Variants in ZNF318 observed in about 807,000 individuals in gnomAD.
ZNF318 encodes zinc finger protein 318.
A neutral mutation model predicts 124.2 loss-of-function variants in ZNF318; 51 were observed. The ratio of observed to expected loss-of-function variants is 0.41; its 90% CI spans 0.33 to 0.52. The LOEUF (loss-of-function observed/expected upper bound fraction) is 0.52. ZNF318 is among the 20% of genes least tolerant of loss of function. The probability of loss-of-function intolerance (pLI) is 0.23; values close to 1 mark genes in which losing one functional copy is unlikely to be tolerated. For synonymous variants in ZNF318, 1,090 were observed against 1,040.7 expected (o/e 1.05, Z -0.91); for missense variants, 2,815 against 2,811.2 (o/e 1.00, Z -0.03).
chr6:43,352,029 A>G (rs1013330769), intron 5 of ZNF318, among the ~76,000 whole-genome samples: 1 of 152,008 alleles, frequency 6.6e-6, no homozygotes, highest in African/African-American at 2.4e-5. Context: ...CTGTAATCTC[A>G]GCTACTTGGG....
chr6:43,364,557 C>T (rs1779734272), intron 2 of ZNF318, among the ~76,000 whole-genome samples: 1 of 152,166 alleles, frequency 6.6e-6, no homozygotes, highest in African/African-American at 2.4e-5. Context: ...TCCCAATGTG[C>T]TGGGCAGAGA....
At chr6:43,363,806 G>A in intron 2 of ZNF318, 3 of 868,166 alleles carry the variant, frequency 3.5e-6, no homozygotes, top group Non-Finnish European at 5.5e-6. Flanking sequence ...GTTGCCATCG[G>A]GGACTACAAT....
At chr6:43,341,748 GTA>G (rs1231294416) in intron 8 of ZNF318, among the ~76,000 whole-genome samples, 1 of 151,644 alleles carries the variant, frequency 6.6e-6, no homozygotes. Context: ...TCAAAATATT[GTA>G]TAGTTCTTAG....
intron 1 of ZNF318, among the ~76,000 whole-genome samples, chr6:43,366,135 T>C (rs1451276158): frequency 1.3e-5 from 2 of 152,160 alleles, no homozygotes; most frequent in Admixed American, 1.3e-4. Context: ...AGAAAAGGTT[T>C]TTCTCAGGTG....
intron 7 of ZNF318, 89 bp from the exon 8 acceptor site, chr6:43,342,300 G>A: frequency 1.9e-6 from 2 of 1,073,110 alleles, no homozygotes; most frequent in Admixed American, 2.7e-5. Context: ...AATAAGACCA[G>A]GGGACCAGAA....
At chr6:43,346,312 C>T (rs1036604732) in intron 6 of ZNF318, among the ~76,000 whole-genome samples, 10 of 151,108 alleles carry the variant, frequency 6.6e-5, no homozygotes, top group African/African-American at 2.2e-4. Context: ...GAAACCATGT[C>T]TCTACTAAAA....
Position 43,352,598 on chromosome 6 carries a change from G to A in ZNF318, c.2671-122C>T, listed in dbSNP as rs1581645239. The A allele has an allele frequency of 3.8e-6, 3 of 797,100 alleles. No homozygotes were observed. The East Asian group carries it at 8.0e-5, about 21-fold the overall frequency. 49.4% of individuals were successfully genotyped at this position (797,100 alleles called of 1,614,324 possible). A position where few individuals can be genotyped will look rare whatever the true frequency, so the allele number is the denominator to read the frequency against. On this transcript the variant is annotated intron_variant, in intron 4 of 9. Coordinates refer to ENST00000361428, the MANE Select transcript of ZNF318 (RefSeq NM_014345.3). ...GTAAGGATCCAAATGCCTGCACACA[G>A]GCTCTGACCTTACTGTCAAAGTAAT...
intron 4 of ZNF318, among the ~76,000 whole-genome samples, chr6:43,354,254 A>G (rs1779573090): frequency 6.6e-6 from 1 of 152,216 alleles, no homozygotes; most frequent in East Asian, 1.9e-4. Flanking sequence ...ACTTTAACTC[A>G]TAATCATTAC....
rs769430998 is a variant in ZNF318, at chr6:43,355,397, G to A, written c.1937C>T (p.Ser646Phe). 1 of 1,614,104 alleles carries A rather than the reference G, an allele frequency of 6.2e-7. No homozygotes were observed. Among genetic ancestry groups the A allele is most frequent in the Non-Finnish European group, 8.5e-7 (1 of 1,180,014 alleles). The change falls in exon 4 of 10, where the codon TCC (serine) becomes TTC (phenylalanine). Residue 646 changes from serine (S) to phenylalanine (F), a missense_variant. By Grantham distance (155) the Ser-to-Phe change is radical. Transcript: ENST00000361428. ...AGCTGAGAAGCGGTGGTCAACTGAG[G>A]AACAGTGGTCAGCTGAAAAGTATCG... ...VDRYFSADHCSSVDHRFSADR... is the reference protein window; with the variant it reads ...VDRYFSADHCFSVDHRFSADR...
In ZNF318 at chr6:43,337,386, C is replaced by G; in HGVS notation, c.6612G>C (p.Glu2204Asp). ...PGDPSKCSSL[E>D]LGPLQLEISN... ...ATATTTCTAGCTGTAATGGCCCCAA[C>G]TCCAGGGAACTACATTTAGAAGGGT... The change falls in exon 10 of 10, where the codon GAG (glutamate) becomes GAC (aspartate). Residue 2204 changes from glutamate to aspartate, a missense_variant. This residue lies in a region of ZNF318 where 927 missense variants were observed against 820.6 expected (regional missense o/e 1.13). Coordinates refer to ENST00000361428, the MANE Select transcript of ZNF318 (RefSeq NM_014345.3). The G allele has an allele frequency of 6.2e-7, 1 of 1,614,170 alleles. No individual in the cohort carries two copies. Among genetic ancestry groups the G allele is most frequent in the Non-Finnish European group, 8.5e-7 (1 of 1,180,022 alleles).
chr6:43,337,026 A>G lies in ZNF318; in HGVS notation c.*132T>C. On this transcript the variant is annotated 3_prime_UTR_variant, in exon 10 of 10. Coordinates refer to ENST00000361428, the MANE Select transcript of ZNF318 (RefSeq NM_014345.3). ...GGTAAATTTTTTAGCTTCCATGAAC[A>G]TTTACTTTAAGATGCTGACTGCATC... The G allele has an allele frequency of 1.2e-6, 1 of 848,036 alleles. No homozygotes were observed. The highest frequency in any genetic ancestry group is 1.7e-6 in the Non-Finnish European group (1 of 603,330). The allele number at this position is 848,036 out of a possible 1,614,324, so 52.5% of individuals were successfully genotyped here.
At chr6:43,361,474 AG>A (rs1779681480) in intron 2 of ZNF318, among the ~76,000 whole-genome samples, 1 of 152,208 alleles carries the variant, frequency 6.6e-6, no homozygotes, top group African/African-American at 2.4e-5. Flanking sequence ...CTGAGCTGGG[AG>A]GACCACTTGA....
chr6:43,356,543 G>T (rs929838208), intron 3 of ZNF318, among the ~76,000 whole-genome samples: 1 of 152,106 alleles, frequency 6.6e-6, no homozygotes, highest in African/African-American at 2.4e-5. Context: ...CCTTTGCTTG[G>T]GAACCTCTTC....
At position 43,369,085 on chromosome 6, in the gene ZNF318, C is replaced by G; in HGVS notation, c.281G>C (p.Arg94Pro). ...GCCCGGCGGGAAGAGTCGTCGGCCC[C>G]GCGGTGGCGACGGGGAGCCGCGACG... ...RARRGSPSPPRGRRLFPPGPA... is the reference protein window; with the variant it reads ...RARRGSPSPPPGRRLFPPGPA... Residue 94 changes from arginine to proline, a missense_variant, in exon 1 of 10, where the codon CGG (arginine) becomes CCG (proline). By Grantham distance (103) the Arg-to-Pro change is moderately radical. Coordinates refer to ENST00000361428, the MANE Select transcript of ZNF318 (RefSeq NM_014345.3). The G allele has an allele frequency of 7.9e-7, 1 of 1,270,514 alleles. No individual in the cohort carries two copies. Among genetic ancestry groups the G allele is most frequent in the Non-Finnish European group, 9.9e-7 (1 of 1,008,456 alleles). 78.7% of individuals were successfully genotyped at this position (1,270,514 alleles called of 1,614,324 possible).
intron 2 of ZNF318, among the ~76,000 whole-genome samples, chr6:43,361,280 A>G (rs1562136107): frequency 6.6e-6 from 1 of 152,258 alleles, no homozygotes; most frequent in Non-Finnish European, 1.5e-5. Context: ...AAATTAGGCG[A>G]TAAGCTGGGC....
intron 7 of ZNF318, 101 bp downstream of exon 7, chr6:43,342,575 A>G (rs1779386141): frequency 1.6e-6 from 2 of 1,284,892 alleles, no homozygotes; most frequent in South Asian, 1.3e-5. Context: ...TCCTGCCCAT[A>G]TGAGAATGTT....
chr6:43,337,668 T>C lies in ZNF318; in HGVS notation c.6330A>G (p.Thr2110=), dbSNP rs1324206273. ...CCCCCAAGCCACGGTCAACATTTTC[T>C]GTAAGTCCAGTTTTCAAAATGTTAG... ...PSPNILKTGL[T]ENVDRGLGGL... The change falls in exon 10 of 10, where the codon ACA becomes ACG. Residue 2110 remains threonine (T), a synonymous_variant. Coordinates refer to ENST00000361428, the MANE Select transcript of ZNF318 (RefSeq NM_014345.3). 1 of 1,614,188 alleles carries C rather than the reference T, an allele frequency of 6.2e-7. No individual in the cohort carries two copies. The highest frequency in any genetic ancestry group is 2.2e-5 in the East Asian group (1 of 44,888).
At position 43,337,634 on chromosome 6, in the gene ZNF318, C is replaced by T; in HGVS notation, c.6364G>A (p.Gly2122Arg). The change falls in exon 10 of 10, where the codon GGA (glycine) becomes AGA (arginine). Residue 2122 changes from glycine (G) to arginine (R), a missense_variant. Coordinates refer to ENST00000361428, the MANE Select transcript of ZNF318 (RefSeq NM_014345.3). ...AACAGGTCAAGGGCCTGGTGTGTTC[C>T]CTCTAGGCCCCCCAAGCCACGGTCA... is the stretch of plus-strand genomic sequence containing the variant. ...NVDRGLGGLE[G>R]THQALDLLAG... 1 of 1,614,028 alleles carries T rather than the reference C, an allele frequency of 6.2e-7. No individual in the cohort carries two copies.
At position 43,357,829 on chromosome 6, in the gene ZNF318, A is replaced by G. The variant is rs201182106; in HGVS notation, c.549-64T>C. On this transcript the variant is annotated intron_variant, in intron 2 of 9. Transcript: ENST00000361428. ...GGAAAGAATAAGAGCAGACAAGGCT[A>G]AGAGACTGGTGTTTGTCAAGGGGGC... The G allele has an allele frequency of 1.8e-5, 26 of 1,441,506 alleles. No individual in the cohort carries two copies. In the East Asian group the frequency reaches 4.5e-4, roughly 25 times the overall value. 89.3% of individuals were successfully genotyped at this position (1,441,506 alleles called of 1,614,324 possible).
Sources: allele counts gnomAD v4.1 joint callset (sites outside exome capture counted in the v4.1 genomes callset), GRCh38; gene constraint gnomAD v4.1.1; regional missense constraint gnomAD v4.1.1; transcripts MANE v1.5; gene names NCBI Gene and HGNC (gene_info 2026-07-23, HGNC 2026-07-21).